RGS3: variants seen among roughly 807,000 people sequenced by gnomAD.
RGS3 encodes the protein regulator of G protein signaling 3.
A neutral mutation model predicts 132.6 loss-of-function variants in RGS3; 80 were observed. The observed-to-expected ratio is 0.60, with a 90% confidence interval of 0.50 to 0.73. The LOEUF (loss-of-function observed/expected upper bound fraction) is 0.73, where lower values mean the gene tolerates loss of function less well. Among genes scored for constraint, RGS3 ranks in the 30% least tolerant of loss-of-function variants. RGS3 has a pLI of 0.00. For synonymous variants in RGS3, 598 were observed against 620.6 expected (o/e 0.96, Z 0.54); for missense variants, 1,382 against 1,530.8 (o/e 0.90, Z 1.62).
At chr9:113,483,117 G>C (rs1319458965) in exon 5 of RGS3, 1 of 1,603,036 alleles carries the variant, frequency 6.2e-7, no homozygotes, top group Non-Finnish European at 8.5e-7. Flanking sequence ...CGTATGTGAA[G>C]GTATGTGGTG....
intron 17 of RGS3, among the ~76,000 whole-genome samples, chr9:113,525,726 A>G (rs2119425379): frequency 6.6e-6 from 1 of 152,328 alleles, no homozygotes; most frequent in South Asian, 2.1e-4. Flanking sequence ...GCTAGGGACC[A>G]AGGTATCCCT....
chr9:113,472,256 A>G (rs1017424657), intron 3 of RGS3, among the ~76,000 whole-genome samples: 4 of 152,150 alleles, frequency 2.6e-5, no homozygotes, highest in Admixed American at 2.0e-4. Context: ...CAGCAATTCC[A>G]CTCTTAGGTA....
rs749203527 is a variant in RGS3 at position 113,536,765 on chromosome 9, C to T, written c.1915-31C>T. ...CCCCTGAACCAGGGAGCAGCCCTGA[C>T]CGTCCGTTTCTCTATTTTCCCTGAC... On this transcript the variant is annotated intron_variant, in intron 18 of 24. Coordinates refer to ENST00000350696, the Ensembl canonical transcript of RGS3. 10 of 1,609,000 alleles carry T rather than the reference C, an allele frequency of 6.2e-6. No homozygotes were observed. In the Admixed American group the frequency reaches 6.7e-5, roughly 11 times the overall value.
chr9:113,527,374 A>G (rs1441134655), intron 17 of RGS3, among the ~76,000 whole-genome samples: 2 of 152,208 alleles, frequency 1.3e-5, no homozygotes, highest in Non-Finnish European at 1.5e-5. Context: ...TGGCACTAGG[A>G]TCTGCTTCTG....
chr9:113,522,535 C>T (rs1265647834), intron 16 of RGS3: 1 of 174,540 alleles, frequency 5.7e-6, no homozygotes, highest in Non-Finnish European at 1.2e-5. Flanking sequence ...TATGGAAAAT[C>T]TTACAGCTTA....
At chr9:113,504,899 C>G (rs1404815123) in intron 10 of RGS3, 1 of 153,774 alleles carries the variant, frequency 6.5e-6, no homozygotes, top group Non-Finnish European at 1.4e-5. Flanking sequence ...CCCCCAGAAC[C>G]TCAGCTCTCT....
chr9:113,567,735 G>C (rs372557562), intron 19 of RGS3, among the ~76,000 whole-genome samples: 1 of 152,252 alleles, frequency 6.6e-6, no homozygotes, highest in South Asian at 2.1e-4. Context: ...ATGGAGGGTG[G>C]AGGGGATAGC....
chr9:113,585,395 G>A (rs570881076), intron 20 of RGS3, among the ~76,000 whole-genome samples: 66 of 152,356 alleles, frequency 4.3e-4, no homozygotes, highest in African/African-American at 1.4e-3. Flanking sequence ...AACACTAGCC[G>A]CTTGAGAGGC....
chr9:113,519,500 T>C (rs1831832431), intron 16 of RGS3, among the ~76,000 whole-genome samples: 1 of 145,376 alleles, frequency 6.9e-6, no homozygotes, highest in Non-Finnish European at 1.5e-5. Flanking sequence ...TCCTGTCATA[T>C]TACTCACACC....
chr9:113,507,261 T>A lies in RGS3; in HGVS notation c.1086-26T>A. 6.4e-7 allele frequency: 1 copy of A among 1,573,154 alleles called. No individual in the cohort carries two copies. Among genetic ancestry groups the A allele is most frequent in the South Asian group, 1.2e-5 (1 of 84,204 alleles). On this transcript the variant is annotated intron_variant, in intron 12 of 24. Coordinates refer to ENST00000350696, the Ensembl canonical transcript of RGS3. The surrounding 1 kb of genome is among the most constrained non-coding windows in gnomAD (Gnocchi z 5.0). ...ATACTGGCTTTCCCCAGGCTCAACC[T>A]GTCTGTGTGATCCCCCACCTTCCAG... is the stretch of plus-strand genomic sequence containing the variant.
chr9:113,489,604 G>A (rs1830442288), intron 7 of RGS3, among the ~76,000 whole-genome samples: 1 of 152,084 alleles, frequency 6.6e-6, no homozygotes, highest in Non-Finnish European at 1.5e-5. Context: ...GCTTACTGCA[G>A]CCTTGAACTC....
rs1352192652 is a variant in RGS3 at position 113,517,483 on chromosome 9, C to T, written c.1675-58C>T. On this transcript the variant is annotated intron_variant, in intron 15 of 24. Transcript: ENST00000350696. ...GCTTTGACAAGCTGCTGCTTCCTCC[C>T]CCCGGGTCCTCACCCAGCCTCTTTT... is the stretch of plus-strand genomic sequence containing the variant. 20 of 1,414,716 alleles carry T rather than the reference C, an allele frequency of 1.4e-5. No individual in the cohort carries two copies. In the East Asian group the frequency reaches 4.6e-4, roughly 32 times the overall value. 87.6% of individuals were successfully genotyped at this position (1,414,716 alleles called of 1,614,324 possible).
At chr9:113,476,217 C>T (rs1199024175) in intron 3 of RGS3, among the ~76,000 whole-genome samples, 2 of 152,124 alleles carry the variant, frequency 1.3e-5, no homozygotes, top group African/African-American at 2.4e-5. Context: ...AGAGGAGGTG[C>T]GTGCTAGAGG....
At position 113,505,426 on chromosome 9, in the gene RGS3, CAG is replaced by C; in HGVS notation, c.898-15_898-14del. 1 of 1,613,062 alleles carries C rather than the reference CAG, an allele frequency of 6.2e-7. No individual in the cohort carries two copies. Among genetic ancestry groups the C allele is most frequent in the Non-Finnish European group, 8.5e-7 (1 of 1,179,044 alleles). On this transcript the variant is annotated splice_polypyrimidine_tract_variant and intron_variant, in intron 10 of 24. Coordinates refer to ENST00000350696, the Ensembl canonical transcript of RGS3. ...CCTCCAGCTTCTGGCAGTGACCGGG[CAG>C]GGCTGTGTCCTAGATCACCATCCCG...
At chr9:113,499,952 T>C (rs1004195833) in intron 10 of RGS3, among the ~76,000 whole-genome samples, 1 of 152,232 alleles carries the variant, frequency 6.6e-6, no homozygotes, top group Non-Finnish European at 1.5e-5. Context: ...TGCAAAGACC[T>C]TTCCTCCTCT....
chr9:113,533,975 C>T (rs1832577811), intron 18 of RGS3, among the ~76,000 whole-genome samples: 1 of 152,236 alleles, frequency 6.6e-6, no homozygotes, highest in Admixed American at 6.5e-5. Flanking sequence ...TCCCTGAAAC[C>T]AGCAGGCAGG....
At chr9:113,459,664 C>T (rs1025460166), upstream of RGS3, among the ~76,000 whole-genome samples, 8 of 152,088 alleles carry the variant, frequency 5.3e-5, no homozygotes, top group Admixed American at 2.0e-4. Flanking sequence ...GTATGAGAAT[C>T]GCTTGAACCT....
At chr9:113,481,326 T>C (rs966867587) in intron 4 of RGS3, among the ~76,000 whole-genome samples, 3 of 152,180 alleles carry the variant, frequency 2.0e-5, no homozygotes, top group Admixed American at 2.0e-4. Flanking sequence ...GGACTGGGTG[T>C]GGTTCATTGT....
At chr9:113,448,461 C>T (rs1030020002) in intron 1 of RGS3, among the ~76,000 whole-genome samples, 1 of 152,062 alleles carries the variant, frequency 6.6e-6, no homozygotes, top group Admixed American at 6.5e-5. Flanking sequence ...ACTTCTTCTT[C>T]CCCCTTCTGC....
Sources: allele counts gnomAD v4.1 joint callset (sites outside exome capture counted in the v4.1 genomes callset), GRCh38; gene constraint gnomAD v4.1.1; non-coding constraint Gnocchi (gnomAD v3.1); transcripts MANE v1.5; gene names NCBI Gene and HGNC (gene_info 2026-07-23, HGNC 2026-07-21).